MTAP: variants seen among roughly 807,000 people sequenced by gnomAD.
The protein encoded by MTAP is methylthioadenosine phosphorylase.
Under a neutral mutation model 33.6 loss-of-function variants are expected in MTAP, and 33 were observed. That is an observed-to-expected ratio of 0.98 (90% confidence interval 0.74 to 1.31). The LOEUF (loss-of-function observed/expected upper bound fraction) is 1.31. MTAP is among the 40% of genes most tolerant of loss of function. MTAP has a pLI of 0.00. For missense variants in MTAP, 367 were observed against 360.0 expected (o/e 1.02, Z -0.16); for synonymous variants, 148 against 125.7 (o/e 1.18, Z -1.19).
intron 4 of MTAP, among the ~76,000 whole-genome samples, chr9:21,829,417 GTTT>G (rs5896953): frequency 0.013 from 1,909 of 145,118 alleles, 35 homozygotes; most frequent in African/African-American, 0.046. Context: ...TTCTTTTGTT[GTTT>G]TTTTTTTTTG....
intron 1 of MTAP, among the ~76,000 whole-genome samples, chr9:21,924,751 T>C (rs750578707): frequency 6.6e-6 from 1 of 152,210 alleles, no homozygotes; most frequent in African/African-American, 2.4e-5. Context: ...AGGGCCATCC[T>C]CTGGACACCA....
At chr9:21,841,320 A>C (rs1362626037) in intron 5 of MTAP, among the ~76,000 whole-genome samples, 3 of 152,350 alleles carry the variant, frequency 2.0e-5, no homozygotes, top group East Asian at 3.9e-4. Context: ...GAGGCCAGTC[A>C]ACTGAGGCCA....
intron 1 of MTAP, among the ~76,000 whole-genome samples, chr9:21,910,050 A>C (rs1194006802): frequency 6.6e-6 from 1 of 152,202 alleles, no homozygotes; most frequent in African/African-American, 2.4e-5. Flanking sequence ...GAAAAGGGAC[A>C]AAATGTCAAC....
intron 7 of MTAP, 39 bp downstream of exon 7, chr9:21,859,464 C>T: frequency 6.4e-7 from 1 of 1,570,452 alleles, no homozygotes; most frequent in East Asian, 2.3e-5. Context: ...TGTCTGTAGA[C>T]TCTCTATTGT....
intron 5 of MTAP, among the ~76,000 whole-genome samples, chr9:21,843,787 C>G (rs1825311089): frequency 6.6e-6 from 1 of 152,070 alleles, no homozygotes; most frequent in South Asian, 2.1e-4. Flanking sequence ...ATTCCTACAT[C>G]AAAAAGTCTG....
chr9:21,809,467 G>A (rs957602611), intron 1 of MTAP, among the ~76,000 whole-genome samples: 8 of 151,458 alleles, frequency 5.3e-5, no homozygotes, highest in East Asian at 1.9e-4. Context: ...GTGAAACCCC[G>A]TCTCTACTAA....
chr9:21,919,634 G>A (rs1051935364), intron 1 of MTAP, among the ~76,000 whole-genome samples: 2 of 152,194 alleles, frequency 1.3e-5, no homozygotes, highest in Non-Finnish European at 2.9e-5. Flanking sequence ...TTTGATAATT[G>A]ACTATGTGAC....
intron 1 of MTAP, among the ~76,000 whole-genome samples, chr9:21,889,753 G>A (rs946205532): frequency 1.3e-5 from 2 of 152,082 alleles, no homozygotes; most frequent in African/African-American, 4.8e-5. Context: ...TCTGTCTTTG[G>A]GTTTCTCAGC....
chr9:21,922,754 T>TGGC lies in MTAP; in HGVS notation c.148-8253_148-8251dup, dbSNP rs1217930895. On this transcript the variant is annotated intron_variant, in intron 1 of 1. Transcript: ENST00000577563. This position sits in a 1 kb window ranked among gnomAD's most constrained non-coding sequence, Gnocchi z 4.8. ...CCAGAACTATTACTCTCAGCCACAG[T>TGGC]GGCTCTGCACCCGCTGGCTGATCTC... is the stretch of plus-strand genomic sequence containing the variant. 1.3e-5 allele frequency among the ~76,000 whole-genome samples: 2 copies of TGGC among 152,172 alleles called. No homozygotes were observed. Among genetic ancestry groups the TGGC allele is most frequent in the Non-Finnish European group, 2.9e-5 (2 of 68,028 alleles).
intron 5 of MTAP, among the ~76,000 whole-genome samples, chr9:21,851,341 T>C (rs748386113): frequency 2.0e-5 from 3 of 152,358 alleles, no homozygotes; most frequent in Middle Eastern, 3.4e-3. Context: ...TCCTCCTCCT[T>C]TTGTTAAAAA....
At chr9:21,894,219 A>AC (rs1400405853) in intron 1 of MTAP, among the ~76,000 whole-genome samples, 1 of 151,512 alleles carries the variant, frequency 6.6e-6, no homozygotes, top group African/African-American at 2.4e-5. Context: ...GTTAAAAAAA[A>AC]AAAAAAAAAA....
intron 1 of MTAP, among the ~76,000 whole-genome samples, chr9:21,901,011 C>T (rs752025674): frequency 2.6e-5 from 4 of 152,092 alleles, no homozygotes; most frequent in Non-Finnish European, 5.9e-5. Context: ...TGCCAAGGCC[C>T]ACCTAAGGAT....
intron 1 of MTAP, chr9:21,930,571 C>T: frequency 6.0e-6 from 2 of 330,648 alleles, no homozygotes; most frequent in Non-Finnish European, 1.1e-5. Flanking sequence ...CCTAAACTGC[C>T]GGAATCTCAA....
At chr9:21,872,565 C>T (rs910503450) in intron 1 of MTAP, among the ~76,000 whole-genome samples, 3 of 152,168 alleles carry the variant, frequency 2.0e-5, no homozygotes, top group Non-Finnish European at 4.4e-5. Flanking sequence ...ACAAACCTTA[C>T]TCATTTTATT....
In MTAP at chr9:21,865,877, T is replaced by G; in HGVS notation, c.*3863T>G. On this transcript the variant is annotated 3_prime_UTR_variant, in exon 8 of 8. Coordinates refer to ENST00000644715, the MANE Select transcript of MTAP (RefSeq NM_002451.4). ...GCCTAGTAGTATTCTGTCATATGCC[T>G]ATCTTACAATTTGATTATCTATTCA... The G allele has an allele frequency of 1.3e-6, 1 of 768,174 alleles. No individual in the cohort carries two copies. The highest frequency in any genetic ancestry group is 1.6e-6 in the Non-Finnish European group (1 of 631,272). 47.6% of individuals were successfully genotyped at this position (768,174 alleles called of 1,614,324 possible). A position where few individuals can be genotyped will look rare whatever the true frequency, so the allele number is the denominator to read the frequency against.
chr9:21,873,370 A>G (rs967811261), intron 1 of MTAP, among the ~76,000 whole-genome samples: 1 of 152,180 alleles, frequency 6.6e-6, no homozygotes, highest in African/African-American at 2.4e-5. Context: ...CCTAAAATCC[A>G]TATATTGAAA....
intron 1 of MTAP, among the ~76,000 whole-genome samples, chr9:21,888,369 C>G (rs2118736039): frequency 6.6e-6 from 1 of 152,130 alleles, no homozygotes; most frequent in South Asian, 2.1e-4. Flanking sequence ...TCTATTGTTT[C>G]TTTGTTGACT....
At chr9:21,877,316 G>A (rs969788229) in intron 1 of MTAP, among the ~76,000 whole-genome samples, 3 of 152,110 alleles carry the variant, frequency 2.0e-5, no homozygotes, top group African/African-American at 4.8e-5. Context: ...GGGATAGTTT[G>A]ACTTCCTCTC....
At chr9:21,884,138 A>C (rs781045511) in intron 1 of MTAP, among the ~76,000 whole-genome samples, 2 of 152,144 alleles carry the variant, frequency 1.3e-5, no homozygotes, top group Non-Finnish European at 2.9e-5. Context: ...TACTTGAGAG[A>C]ATTCTATTAT....
Sources: allele counts gnomAD v4.1 joint callset (sites outside exome capture counted in the v4.1 genomes callset), GRCh38; gene constraint gnomAD v4.1.1; non-coding constraint Gnocchi (gnomAD v3.1); transcripts MANE v1.5; gene names NCBI Gene and HGNC (gene_info 2026-07-23, HGNC 2026-07-21).